Variants in NHSL1 observed in about 807,000 individuals in gnomAD.
The protein encoded by NHSL1 is NHS like 1.
In NHSL1, 48 loss-of-function variants were observed where a neutral mutation model predicts 95.0. That is an observed-to-expected ratio of 0.51 (90% confidence interval 0.40 to 0.64). The LOEUF is 0.64. Ranked by LOEUF, NHSL1 falls within the 30% of genes least tolerant of loss-of-function variation. The pLI, the probability that NHSL1 is intolerant of heterozygous loss-of-function variation, is 0.00. For synonymous variants in NHSL1, 783 were observed against 833.9 expected (o/e 0.94, Z 1.05); for missense variants, 1,971 against 2,077.7 (o/e 0.95, Z 1.00).
upstream of NHSL1, among the ~76,000 whole-genome samples, chr6:138,546,427 C>CAAAAAAA (rs1177720465): frequency 2.4e-4 from 12 of 50,952 alleles, 1 homozygote; most frequent in Admixed American, 6.6e-4. Context: ...CCCATCTCTA[C>CAAAAAAA]AAAAAAAAAA....
At chr6:138,557,363 T>C (rs1783231676) in intron 1 of NHSL1, among the ~76,000 whole-genome samples, 1 of 152,026 alleles carries the variant, frequency 6.6e-6, no homozygotes, top group Non-Finnish European at 1.5e-5. Flanking sequence ...CGGGATCTCA[T>C]GCATCTTCCA....
intron 1 of NHSL1, among the ~76,000 whole-genome samples, chr6:138,498,301 A>T (rs9376346): frequency 6.6e-6 from 1 of 152,294 alleles, no homozygotes; most frequent in East Asian, 1.9e-4. Context: ...CATCAATCGC[A>T]CCATCGGCCC....
chr6:138,571,188 T>C (rs937687440), intron 1 of NHSL1, among the ~76,000 whole-genome samples: 9 of 152,160 alleles, frequency 5.9e-5, no homozygotes, highest in Non-Finnish European at 7.4e-5. Flanking sequence ...GGGACCAACA[T>C]ATCAGTGTTA....
Position 138,445,312 on chromosome 6 carries a change from T to C in NHSL1, c.532+1689A>G, listed in dbSNP as rs1776797099. On this transcript the variant is annotated intron_variant, in intron 4 of 7. Transcript: ENST00000343505. ...TTACATTTCTGCTGCATTTAATCAATCAAATAATGTAATTCATTTTCTTAT... is the reference window on the plus strand; with the variant it reads ...TTACATTTCTGCTGCATTTAATCAACCAAATAATGTAATTCATTTTCTTAT... Among the ~76,000 whole-genome samples, 5 of 152,294 alleles carry C rather than the reference T, an allele frequency of 3.3e-5. No individual in the cohort carries two copies. The South Asian group carries it at 1.0e-3, about 32-fold the overall frequency.
intron 1 of NHSL1, among the ~76,000 whole-genome samples, chr6:138,682,020 C>T (rs1427931852): frequency 6.8e-6 from 1 of 146,620 alleles, no homozygotes; most frequent in African/African-American, 2.6e-5. Flanking sequence ...TTGATCTTGT[C>T]GCCCAGGCTA....
intron 2 of NHSL1, among the ~76,000 whole-genome samples, chr6:138,475,386 CATT>C (rs1443804307): frequency 6.6e-6 from 1 of 150,526 alleles, no homozygotes; most frequent in Non-Finnish European, 1.5e-5. Context: ...TCACACCTGG[CATT>C]ATTTTATTTT....
At chr6:138,645,252 G>A (rs1043293386) in intron 1 of NHSL1, among the ~76,000 whole-genome samples, 1 of 152,144 alleles carries the variant, frequency 6.6e-6, no homozygotes, top group African/African-American at 2.4e-5. Context: ...ACACTGAAAC[G>A]TCAATGCATT....
chr6:138,576,488 C>T (rs1220503872), upstream of NHSL1, among the ~76,000 whole-genome samples: 1 of 152,222 alleles, frequency 6.6e-6, no homozygotes, highest in Non-Finnish European at 1.5e-5. Flanking sequence ...CCCCTCCCCT[C>T]TCACTGTCAG....
chr6:138,587,427 C>CA (rs1784154553), intron 1 of NHSL1, among the ~76,000 whole-genome samples: 1 of 123,630 alleles, frequency 8.1e-6, no homozygotes, highest in East Asian at 2.6e-4. Flanking sequence ...ACTAAAAATA[C>CA]AAAAAATTAG....
At position 138,520,351 on chromosome 6, in the gene NHSL1, C is replaced by T. The variant is rs546540055; in HGVS notation, c.17-23980G>A. 2.2e-4 allele frequency among the ~76,000 whole-genome samples: 27 copies of T among 124,366 alleles called. No individual in the cohort carries two copies. In the East Asian group the frequency reaches 6.4e-3, roughly 29 times the overall value. 81.6% of individuals were successfully genotyped at this position (124,366 alleles called of 152,430 possible). On this transcript the variant is annotated intron_variant, in intron 1 of 4. Coordinates refer to the NHSL1 transcript ENST00000342260. ...GTCACCAGGCTGGAGTGCAGTGGTGCGATCTTGGCTCACTGCAACCTCTGC... is the reference window on the plus strand; with the variant it reads ...GTCACCAGGCTGGAGTGCAGTGGTGTGATCTTGGCTCACTGCAACCTCTGC...
At position 138,689,262 on chromosome 6, in the gene NHSL1, C is replaced by A. The variant is rs559533842; in HGVS notation, c.96+3214G>T. Among the ~76,000 whole-genome samples, 7 of 152,310 alleles carry A rather than the reference C, an allele frequency of 4.6e-5. No homozygotes were observed. In the South Asian group the frequency reaches 1.0e-3, roughly 23 times the overall value. On this transcript the variant is annotated intron_variant, in intron 1 of 3. Transcript: ENST00000491526. ...GGTCCTGCTGTCTGGCAGAGGGGTG[C>A]AGAAGTCCCCTTGGTAAATGTGGTG...
At chr6:138,458,079 T>C (rs1359181355) in intron 3 of NHSL1, among the ~76,000 whole-genome samples, 3 of 151,840 alleles carry the variant, frequency 2.0e-5, no homozygotes, top group Non-Finnish European at 2.9e-5. Context: ...GGAGTCTTAG[T>C]CTTAACACGG....
intron 1 of NHSL1, among the ~76,000 whole-genome samples, chr6:138,690,073 C>T (rs1181805172): frequency 2.6e-5 from 4 of 152,222 alleles, no homozygotes; most frequent in Non-Finnish European, 1.5e-5. Flanking sequence ...AACTGCAATG[C>T]TGTTGGACTG....
At chr6:138,464,294 TG>T in intron 3 of NHSL1, 1 of 711,666 alleles carries the variant, frequency 1.4e-6, no homozygotes, top group Non-Finnish European at 2.4e-6. Context: ...CCTGGTGTCG[TG>T]GGCGGACTGG....
chr6:138,448,094 T>A (rs1235832827), intron 3 of NHSL1, among the ~76,000 whole-genome samples: 1 of 152,244 alleles, frequency 6.6e-6, no homozygotes, highest in Non-Finnish European at 1.5e-5. Context: ...TTTCTAGCAG[T>A]GTCTGTTTTG....
At chr6:138,690,157 T>C (rs1785644566) in intron 1 of NHSL1, among the ~76,000 whole-genome samples, 1 of 152,208 alleles carries the variant, frequency 6.6e-6, no homozygotes, top group Admixed American at 6.5e-5. Flanking sequence ...AGTCTAGCCA[T>C]CCATACTAAT....
intron 1 of NHSL1, among the ~76,000 whole-genome samples, chr6:138,593,155 C>A (rs1352207401): frequency 3.3e-5 from 5 of 152,290 alleles, no homozygotes; most frequent in South Asian, 4.1e-4. Context: ...GTAAAGGATC[C>A]GAGTGACAAA....
rs1335415086 is a variant in NHSL1, at chr6:138,692,458, G to T, written c.96+18C>A. On this transcript the variant is annotated intron_variant, in intron 1 of 3. Transcript: ENST00000491526. This position sits in a 1 kb window ranked among gnomAD's most constrained non-coding sequence, Gnocchi z 4.0. ...CCTCCCCCGCCGGTTCCCCTCCCCC[G>T]GCCCGCCGGCCACTCACGGATTTTC... 2 of 205,368 alleles carry T rather than the reference G, an allele frequency of 9.7e-6. No homozygotes were observed. The highest frequency in any genetic ancestry group is 1.9e-5 in the Non-Finnish European group (2 of 103,510). 12.7% of individuals were successfully genotyped at this position (205,368 alleles called of 1,614,324 possible).
At chr6:138,448,066 C>T (rs1776979341) in intron 3 of NHSL1, among the ~76,000 whole-genome samples, 1 of 152,212 alleles carries the variant, frequency 6.6e-6, no homozygotes, top group South Asian at 2.1e-4. Flanking sequence ...TGAGCCATAT[C>T]AGAATTCTAC....
Sources: gnomAD v4.1 joint callset for allele counts (sites outside exome capture counted in the v4.1 genomes callset) on GRCh38, gnomAD v4.1.1 for gene constraint, Gnocchi (gnomAD v3.1) non-coding constraint, MANE v1.5 for transcripts, NCBI Gene and HGNC (gene_info 2026-07-23, HGNC 2026-07-21) for gene names.